MYH15: variants seen among roughly 807,000 people sequenced by gnomAD.
MYH15 encodes myosin heavy chain 15.
In MYH15, 227 loss-of-function variants were observed where a neutral mutation model predicts 240.5. The observed-to-expected ratio is 0.94, with a 90% CI of 0.85 to 1.05. The LOEUF (loss-of-function observed/expected upper bound fraction) is 1.05, where lower values mean the gene tolerates loss of function less well. MYH15 is among the 50% of genes least tolerant of loss of function. The pLI, the probability that MYH15 is intolerant of heterozygous loss-of-function variation, is 0.00. For missense variants in MYH15, 2,217 were observed against 2,247.5 expected (o/e 0.99, Z 0.27); for synonymous variants, 785 against 796.7 (o/e 0.99, Z 0.25).
intron 27 of MYH15, among the ~76,000 whole-genome samples, chr3:108,427,542 T>C (rs2082733733): frequency 6.6e-6 from 1 of 151,928 alleles, no homozygotes; most frequent in Non-Finnish European, 1.5e-5. Flanking sequence ...TAAATTTCTA[T>C]TATTTGTAAA....
rs769965624 is a variant in MYH15 at position 108,405,466 on chromosome 3, A to C, written c.4621-13T>G. ...GTTCCAGGGCTCCCTGGAATACATA[A>C]ATAAAAAGCATTAAATGAAGTCCAC... On this transcript the variant is annotated splice_polypyrimidine_tract_variant and intron_variant, in intron 32 of 40. Coordinates refer to ENST00000693548, the MANE Select transcript of MYH15 (RefSeq NM_014981.3). The C allele has an allele frequency of 8.4e-6, 12 of 1,432,676 alleles. No homozygotes were observed. The highest frequency in any genetic ancestry group is 2.1e-5 in the Admixed American group (1 of 47,224). The allele number at this position is 1,432,676 out of a possible 1,614,324, so 88.7% of individuals were successfully genotyped here.
chr3:108,402,115 A>T (rs1377513232), intron 33 of MYH15, among the ~76,000 whole-genome samples: 6 of 140,116 alleles, frequency 4.3e-5, no homozygotes, highest in African/African-American at 1.6e-4. Flanking sequence ...ATGAGAAATA[A>T]GAGATTTTTT....
rs2082678920 is a variant in MYH15 at position 108,421,109 on chromosome 3, T to C, written c.3808A>G (p.Thr1270Ala). ...QLANDLAAQK[T>A]KLWSESGEFL... is the part of the protein sequence containing the mutation. Reference sequence around the variant, plus strand: ...TTACCACTCTCACTCCACAGCTTTGTCTTTTGTGCTGCCAGGTCATTTGCC... The same window carrying C: ...TTACCACTCTCACTCCACAGCTTTGCCTTTTGTGCTGCCAGGTCATTTGCC... Residue 1270 changes from threonine (T) to alanine (A), a missense_variant, in exon 28 of 41, where the codon ACA becomes GCA. Coordinates refer to ENST00000693548, the MANE Select transcript of MYH15 (RefSeq NM_014981.3). The C allele has an allele frequency of 1.9e-6, 3 of 1,614,048 alleles. No individual in the cohort carries two copies. The highest frequency in any genetic ancestry group is 1.6e-4 in the Middle Eastern group (1 of 6,084).
chr3:108,455,058 T>A (rs1348850825), intron 20 of MYH15, among the ~76,000 whole-genome samples: 6 of 152,244 alleles, frequency 3.9e-5, no homozygotes, highest in Non-Finnish European at 8.8e-5. Context: ...TATAACCATA[T>A]CCTACAGAGT....
intron 9 of MYH15, among the ~76,000 whole-genome samples, chr3:108,488,464 T>A (rs939786023): frequency 1.3e-5 from 2 of 152,116 alleles, no homozygotes; most frequent in African/African-American, 4.8e-5. Flanking sequence ...TATGCCACCA[T>A]GCTCAACTAA....
In MYH15 at chr3:108,501,675, C is replaced by T. The variant is rs772056763; in HGVS notation, c.339+37G>A. 12 of 1,611,500 alleles carry T rather than the reference C, an allele frequency of 7.4e-6. No homozygotes were observed. In the East Asian group the frequency reaches 1.3e-4, roughly 18 times the overall value. On this transcript the variant is annotated intron_variant, in intron 3 of 40. Coordinates refer to ENST00000693548, the MANE Select transcript of MYH15 (RefSeq NM_014981.3). ...GAGATTGGGACATGCAATGTGACTG[C>T]CAACATGACAGTTTAGCAGGAAAGC...
chr3:108,520,640 C>T (rs980768780), intron 1 of MYH15, among the ~76,000 whole-genome samples: 2 of 152,084 alleles, frequency 1.3e-5, no homozygotes, highest in African/African-American at 2.4e-5. Flanking sequence ...TAACTCATTC[C>T]TCAAATGCTT....
Position 108,495,875 on chromosome 3 carries a change from G to A in MYH15, c.619-3C>T. ...ATGATTTGATCTTCTAACGCCCCCT[G>A]AGACACATGCAAGAGAAGTACAGCT... is the stretch of plus-strand genomic sequence containing the variant. On this transcript the variant is annotated splice_polypyrimidine_tract_variant and splice_region_variant and intron_variant, in intron 6 of 40. Transcript: ENST00000693548. 6.2e-7 allele frequency: 1 copy of A among 1,601,630 alleles called. No homozygotes were observed. The highest frequency in any genetic ancestry group is 1.1e-5 in the South Asian group (1 of 88,752).
intron 9 of MYH15, among the ~76,000 whole-genome samples, chr3:108,488,706 T>C (rs2083323933): frequency 6.6e-6 from 1 of 152,148 alleles, no homozygotes; most frequent in Admixed American, 6.5e-5. Flanking sequence ...TTAGGTTTTT[T>C]CTCTATCTCG....
intron 35 of MYH15, among the ~76,000 whole-genome samples, chr3:108,394,916 T>A (rs906672238): frequency 1.3e-5 from 2 of 152,240 alleles, no homozygotes; most frequent in Non-Finnish European, 2.9e-5. Context: ...CCGTTTCACA[T>A]TCACTTGCCT....
chr3:108,418,134 A>G lies in MYH15; in HGVS notation c.3830-1204T>C, dbSNP rs117174318. ...TCATCTGCCAAACATGTAAGCCTAA[A>G]TAAGCCTAGTTTGTTTGTCAGTCAT... is the stretch of plus-strand genomic sequence containing the variant. On this transcript the variant is annotated intron_variant, in intron 28 of 40. Transcript: ENST00000693548. Among the ~76,000 whole-genome samples, 96 of 152,364 alleles carry G rather than the reference A, an allele frequency of 6.3e-4. 1 individual carries two copies. The East Asian group carries it at 0.018, about 28-fold the overall frequency.
rs1482490490 is a variant in MYH15, at chr3:108,428,679, T to G, written c.3515A>C (p.Glu1172Ala). The G allele has an allele frequency of 6.2e-7, 1 of 1,613,952 alleles. No homozygotes were observed. Among genetic ancestry groups the G allele is most frequent in the South Asian group, 1.1e-5 (1 of 91,048 alleles). Reference protein sequence around the residue: ...KFQKLHRDMEEATLHFETTSA... With the variant: ...KFQKLHRDMEAATLHFETTSA... ...AGTTGTCTCAAAGTGCAGAGTGGCC[T>G]CTTCCATGTCTCGGTGCAGCTTCTG... Residue 1172 changes from glutamate to alanine, a missense_variant, in exon 27 of 41, where the codon GAG (glutamate) becomes GCG (alanine). Physicochemically the swap from Glu to Ala is moderately radical, Grantham distance 107. Transcript: ENST00000693548.
At chr3:108,516,693 CT>C (rs1205856788) in intron 1 of MYH15, among the ~76,000 whole-genome samples, 3 of 152,174 alleles carry the variant, frequency 2.0e-5, no homozygotes, top group African/African-American at 7.2e-5. Context: ...TCTACCACCC[CT>C]TAACCAGCTA....
chr3:108,431,783 A>G (rs2082781526), intron 25 of MYH15, among the ~76,000 whole-genome samples: 1 of 152,214 alleles, frequency 6.6e-6, no homozygotes, highest in African/African-American at 2.4e-5. Context: ...GAAACTCCCT[A>G]GAGATTTGTT....
intron 27 of MYH15, among the ~76,000 whole-genome samples, chr3:108,423,893 T>C (rs1249651929): frequency 6.6e-6 from 1 of 152,258 alleles, no homozygotes; most frequent in Non-Finnish European, 1.5e-5. Flanking sequence ...ATGTCCTAGG[T>C]GGCCCAAATT....
intron 1 of MYH15, among the ~76,000 whole-genome samples, chr3:108,508,637 A>G (rs1433855289): frequency 6.6e-6 from 1 of 152,240 alleles, no homozygotes; most frequent in African/African-American, 2.4e-5. Flanking sequence ...TTAATCACCC[A>G]TAATCAAACA....
chr3:108,476,884 G>A (rs1409850411), intron 11 of MYH15, among the ~76,000 whole-genome samples: 1 of 152,112 alleles, frequency 6.6e-6, no homozygotes, highest in South Asian at 2.1e-4. Context: ...ATGCAAAATG[G>A]TGTGTATTTG....
intron 21 of MYH15, among the ~76,000 whole-genome samples, chr3:108,452,963 A>G (rs2082986669): frequency 6.6e-6 from 1 of 152,182 alleles, no homozygotes; most frequent in Admixed American, 6.5e-5. Flanking sequence ...CAAAAATAAG[A>G]AATTAATAAT....
chr3:108,421,685 G>A, intron 27 of MYH15, among the ~76,000 whole-genome samples: 1 of 152,198 alleles, frequency 6.6e-6, no homozygotes, highest in East Asian at 1.9e-4. Flanking sequence ...AGACGAAGGG[G>A]AAGGAAGAGA....
Sources: allele counts gnomAD v4.1 joint callset (sites outside exome capture counted in the v4.1 genomes callset), GRCh38; gene constraint gnomAD v4.1.1; transcripts MANE v1.5; gene names NCBI Gene and HGNC (gene_info 2026-07-23, HGNC 2026-07-21).